The following RNF135 variants were observed in gnomAD, a reference collection of about 807,000 sequenced individuals.
RNF135 encodes the protein ring finger protein 135, also known as E3 ubiquitin-protein ligase RNF135.
RNF135 carries 46 observed loss-of-function variants against 41.9 expected under a neutral mutation model. The ratio of observed to expected loss-of-function variants is 1.10; its 90% CI spans 0.87 to 1.40. The LOEUF (loss-of-function observed/expected upper bound fraction) is 1.40. Ranked by LOEUF, RNF135 falls within the 40% of genes most tolerant of loss-of-function variation. The pLI is 0.00. For missense variants in RNF135, 539 were observed against 549.8 expected (o/e 0.98, Z 0.20); for synonymous variants, 238 against 223.8 (o/e 1.06, Z -0.57).
At chr17:30,971,029 C>G (rs1374042188), upstream of RNF135, 4 of 1,532,674 alleles carry the variant, frequency 2.6e-6, no homozygotes, top group Admixed American at 3.9e-5. Context: ...TGAGGAGACT[C>G]GCCCGGCTCA....
chr17:30,985,780 A>G (rs1160068739), intron 2 of RNF135, among the ~76,000 whole-genome samples: 3 of 152,074 alleles, frequency 2.0e-5, no homozygotes, highest in Non-Finnish European at 4.4e-5. Context: ...TAAGACCCAA[A>G]TCCTCACAGG....
In RNF135 at chr17:30,987,998, G is replaced by C; in HGVS notation, c.571G>C (p.Asp191His). The C allele has an allele frequency of 6.2e-7, 1 of 1,614,016 alleles. No homozygotes were observed. Among genetic ancestry groups the C allele is most frequent in the African/African-American group, 1.3e-5 (1 of 75,012 alleles). ...SMASPKLVTS[D>H]TAAGKIRDIL... ...GGCTTCTCCAAAGCTGGTGACTTCCGACACAGCTGCAGGGAAAATCAGAGA... is the reference window on the plus strand; with the variant it reads ...GGCTTCTCCAAAGCTGGTGACTTCCCACACAGCTGCAGGGAAAATCAGAGA... Residue 191 changes from aspartate (D) to histidine (H), a missense_variant, in exon 3 of 5, where the codon GAC becomes CAC. Around this residue, in one of 2 missense-constraint regions of RNF135, gnomAD observed 262 missense variants for 336.9 expected, o/e 0.78. Coordinates refer to ENST00000328381, the MANE Select transcript of RNF135 (RefSeq NM_032322.4).
the RNF135 span, among the ~76,000 whole-genome samples, chr17:30,963,123 G>A: frequency 1.0e-3 from 115 of 112,036 alleles, 2 homozygotes; most frequent in East Asian, 0.026. Context: ...TTTGAGATCT[G>A]GTCTTGCTAT....
At position 30,971,390 on chromosome 17, in the gene RNF135, C is replaced by T. The variant is rs1598072948; in HGVS notation, c.317C>T (p.Ser106Phe). ...SDPAHCPCPG[S>F]SSLSSAAARP... is the part of the protein sequence containing the mutation. ...CCTGCCCACTGCCCCTGCCCGGGCT[C>T]CAGTTCCCTCTCCAGCGCGGCCGCG... The change falls in exon 1 of 5, where the codon TCC becomes TTC. Residue 106 changes from serine (S) to phenylalanine (F), a missense_variant. Ser to Phe is a radical substitution (Grantham distance 155, BLOSUM62 -2). This residue lies in a region of RNF135 where 277 missense variants were observed against 212.8 expected (regional missense o/e 1.30). Transcript: ENST00000328381. 6.6e-7 allele frequency: 1 copy of T among 1,524,222 alleles called. No homozygotes were observed. The highest frequency in any genetic ancestry group is 2.0e-5 in the Admixed American group (1 of 49,934). The allele number at this position is 1,524,222 out of a possible 1,614,324, so 94.4% of individuals were successfully genotyped here.
At chr17:30,977,145 G>A (rs1307122969) in intron 1 of RNF135, among the ~76,000 whole-genome samples, 3 of 152,098 alleles carry the variant, frequency 2.0e-5, no homozygotes, top group Non-Finnish European at 4.4e-5. Flanking sequence ...CTTGCAAGTA[G>A]TATCTTATAA....
intron 3 of RNF135, among the ~76,000 whole-genome samples, chr17:30,991,790 A>G (rs1315435737): frequency 6.6e-6 from 1 of 152,118 alleles, no homozygotes; most frequent in African/African-American, 2.4e-5. Context: ...AAAAATTGAC[A>G]TTTAGGAGCT....
chr17:30,959,723 G>A, the RNF135 span: 1 of 152,194 alleles, frequency 6.6e-6, no homozygotes, highest in Non-Finnish European at 1.5e-5. Flanking sequence ...GGAATCACCA[G>A]TTTGCCTAAG....
chr17:30,988,755 CT>C (rs566490842), intron 3 of RNF135, among the ~76,000 whole-genome samples: 261 of 127,122 alleles, frequency 2.1e-3, no homozygotes, highest in Admixed American at 2.6e-3. Context: ...ATGTCTTCTT[CT>C]TTTTTTTTTT....
upstream of RNF135, among the ~76,000 whole-genome samples, chr17:30,967,229 C>A (rs181257134): frequency 7.2e-5 from 11 of 151,872 alleles, no homozygotes; most frequent in Non-Finnish European, 1.5e-4. Context: ...AGGGTTTCAC[C>A]AGGTTGGCCA....
chr17:30,992,576 C>T (rs1250099261), intron 3 of RNF135, among the ~76,000 whole-genome samples: 1 of 151,972 alleles, frequency 6.6e-6, no homozygotes, highest in African/African-American at 2.4e-5. Flanking sequence ...AGTGATCCTC[C>T]CTCCTTAGCC....
chr17:30,972,313 C>T (rs576274244), intron 1 of RNF135: 10 of 151,030 alleles, frequency 6.6e-5, no homozygotes, highest in East Asian at 2.0e-4. Flanking sequence ...GGGGTTTCAC[C>T]GTTGTTAGCC....
intron 3 of RNF135, among the ~76,000 whole-genome samples, chr17:30,988,416 ATTTTTTTTTTTTTT>A (rs56955275): frequency 8.5e-5 from 7 of 81,898 alleles, no homozygotes; most frequent in Admixed American, 4.2e-4. Flanking sequence ...GCCACTTTTA[ATTTTTTTTTTTTTT>A]TTTTTTTTTT....
chr17:30,979,542 C>CA lies in RNF135; in HGVS notation c.373-5075_373-5074insA, dbSNP rs1226009092. ...CGGGGCAGCTGGCCGACCCCCCCCC[C>CA]CCGCCTCCCTCCCGGACGGGGCGGC... is the stretch of plus-strand genomic sequence containing the variant. On this transcript the variant is annotated intron_variant, in intron 1 of 4. Transcript: ENST00000328381. Among the ~76,000 whole-genome samples the CA allele has an allele frequency of 5.0e-4, 50 of 99,660 alleles. 9 individuals carry two copies. The highest frequency in any genetic ancestry group is 1.7e-3 in the African/African-American group (48 of 27,628). The allele number at this position is 99,660 out of a possible 152,430, so 65.4% of individuals were successfully genotyped here.
intron 2 of RNF135, among the ~76,000 whole-genome samples, chr17:30,986,586 C>T (rs1260982915): frequency 6.6e-6 from 1 of 152,228 alleles, no homozygotes; most frequent in Non-Finnish European, 1.5e-5. Context: ...CAAATACCCA[C>T]TGAATGTATG....
the RNF135 span, chr17:30,959,600 G>A: frequency 6.6e-6 from 1 of 152,176 alleles, no homozygotes; most frequent in Non-Finnish European, 1.5e-5. Context: ...TAGCTACTGG[G>A]GAGGGTGAGG....
At position 30,971,193 on chromosome 17, in the gene RNF135, C is replaced by A; in HGVS notation, c.120C>A (p.Phe40Leu). Residue 40 changes from phenylalanine (F) to leucine (L), a missense_variant, in exon 1 of 5, where the codon TTC becomes TTA. Transcript: ENST00000328381. ...CCACGCTGCCCTGCGGCCACAGCTT[C>A]TGCCGCCACTGCCTGGAGGCCCTGT... is the stretch of plus-strand genomic sequence containing the variant. ...WPATLPCGHS[F>L]CRHCLEALWG... The A allele has an allele frequency of 6.6e-7, 1 of 1,524,638 alleles. No homozygotes were observed. The highest frequency in any genetic ancestry group is 8.8e-7 in the Non-Finnish European group (1 of 1,142,546). The allele number at this position is 1,524,638 out of a possible 1,614,324, so 94.4% of individuals were successfully genotyped here.
At position 30,998,989 on chromosome 17, in the gene RNF135, C is replaced by G; in HGVS notation, c.1097C>G (p.Thr366Ser). Residue 366 changes from threonine to serine, a missense_variant, in exon 5 of 5, where the codon ACT (threonine) becomes AGT (serine). Physicochemically the swap from Thr to Ser is moderately conservative, Grantham distance 58. Around this residue, in one of 2 missense-constraint regions of RNF135, gnomAD observed 262 missense variants for 336.9 expected, o/e 0.78. Transcript: ENST00000328381. ...QLSAWHMVKE[T>S]VLGSDRPGVV... ...TCTGCATGGCACATGGTCAAGGAAACTGTCCTTGGCTCAGACAGACCTGGG... is the reference window on the plus strand; with the variant it reads ...TCTGCATGGCACATGGTCAAGGAAAGTGTCCTTGGCTCAGACAGACCTGGG... 2 of 1,614,154 alleles carry G rather than the reference C, an allele frequency of 1.2e-6. No individual in the cohort carries two copies. The highest frequency in any genetic ancestry group is 8.5e-7 in the Non-Finnish European group (1 of 1,180,020).
At chr17:30,979,834 TG>T (rs1906894826) in intron 1 of RNF135, among the ~76,000 whole-genome samples, 1 of 76,642 alleles carries the variant, frequency 1.3e-5, no homozygotes. Context: ...CCCTCCCGGA[TG>T]GGGCGGCTGG....
the RNF135 span, among the ~76,000 whole-genome samples, chr17:30,961,101 C>G: frequency 1.3e-5 from 2 of 152,186 alleles, no homozygotes; most frequent in Non-Finnish European, 2.9e-5. Context: ...ATCAAAGTCA[C>G]TGCATGTGTC....
Sources: gnomAD v4.1 joint callset for allele counts (sites outside exome capture counted in the v4.1 genomes callset) on GRCh38, gnomAD v4.1.1 for gene constraint, gnomAD v4.1.1 regional missense constraint, MANE v1.5 for transcripts, NCBI Gene and HGNC (gene_info 2026-07-23, HGNC 2026-07-21) for gene names.